HEPHL1: variants seen among roughly 807,000 people sequenced by gnomAD.
HEPHL1 encodes the protein hephaestin like 1.
A neutral mutation model predicts 122.0 loss-of-function variants in HEPHL1; 123 were observed. The ratio of observed to expected loss-of-function variants is 1.01; its 90% confidence interval spans 0.87 to 1.17. The LOEUF (loss-of-function observed/expected upper bound fraction) is 1.17. Among genes scored for constraint, HEPHL1 ranks in the 50% most tolerant of loss-of-function variants. The probability of loss-of-function intolerance (pLI) is 0.00; values close to 1 mark genes in which losing one functional copy is unlikely to be tolerated. For synonymous variants in HEPHL1, 527 were observed against 508.9 expected (o/e 1.04, Z -0.48); for missense variants, 1,452 against 1,430.5 (o/e 1.01, Z -0.24).
chr11:94,045,494 C>T (rs1432125180), intron 1 of HEPHL1, among the ~76,000 whole-genome samples, 179 bp from the exon 2 acceptor site: 4 of 152,194 alleles, frequency 2.6e-5, no homozygotes, highest in Admixed American at 2.6e-4. Context: ...CACTTCATTG[C>T]TGAATCTCAT....
At chr11:94,082,387 T>G (rs1197344079) in intron 9 of HEPHL1, 31 bp from the exon 10 acceptor site, 1 of 1,551,124 alleles carries the variant, frequency 6.4e-7, no homozygotes, top group Non-Finnish European at 8.8e-7. Context: ...AAGCTGTACC[T>G]TTTATGTATT....
chr11:94,084,674 C>T (rs1946201010), intron 10 of HEPHL1, among the ~76,000 whole-genome samples: 1 of 152,176 alleles, frequency 6.6e-6, no homozygotes, highest in Non-Finnish European at 1.5e-5. Context: ...AGATTCTCTA[C>T]CAGCCAGCCA....
intron 2 of HEPHL1, among the ~76,000 whole-genome samples, chr11:94,054,591 T>C (rs1009415672): frequency 6.6e-6 from 1 of 152,234 alleles, no homozygotes; most frequent in African/African-American, 2.4e-5. Context: ...AATTGAGGCC[T>C]ACCTTTTCAA....
At chr11:94,078,446 C>CATATATATAGATAT in intron 9 of HEPHL1, among the ~76,000 whole-genome samples, 1 of 111,556 alleles carries the variant, frequency 9.0e-6, no homozygotes, top group Admixed American at 1.1e-4. Context: ...TCAGATGTTC[C>CATATATATAGATAT]ATATATATAT....
At chr11:94,061,021 C>A (rs77920664) in intron 2 of HEPHL1, among the ~76,000 whole-genome samples, 1 of 151,750 alleles carries the variant, frequency 6.6e-6, no homozygotes, top group East Asian at 1.9e-4. Context: ...TGAGAAGAAG[C>A]GGAGATAGGA....
intron 2 of HEPHL1, among the ~76,000 whole-genome samples, chr11:94,051,147 T>C (rs1945887212): frequency 6.6e-6 from 1 of 152,076 alleles, no homozygotes; most frequent in South Asian, 2.1e-4. Flanking sequence ...GGGGGTACAT[T>C]AAAATGGGGT....
chr11:94,104,019 A>G (rs1246382298), intron 15 of HEPHL1, among the ~76,000 whole-genome samples: 1 of 152,228 alleles, frequency 6.6e-6, no homozygotes, highest in African/African-American at 2.4e-5. Context: ...TAATATGTCC[A>G]CACTTGTAAC....
intron 17 of HEPHL1, among the ~76,000 whole-genome samples, chr11:94,107,403 T>C (rs1199094081): frequency 6.6e-6 from 1 of 152,170 alleles, no homozygotes; most frequent in Non-Finnish European, 1.5e-5. Flanking sequence ...ACATATACAC[T>C]TTAAAAATAA....
chr11:94,036,904 C>G (rs774760458), intron 1 of HEPHL1, among the ~76,000 whole-genome samples: 1 of 151,738 alleles, frequency 6.6e-6, no homozygotes, highest in Non-Finnish European at 1.5e-5. Flanking sequence ...GTCTACAGCT[C>G]CCAGCGTGAG....
intron 13 of HEPHL1, among the ~76,000 whole-genome samples, chr11:94,099,550 G>A (rs1000976918): frequency 1.3e-5 from 2 of 152,172 alleles, no homozygotes; most frequent in Admixed American, 1.3e-4. Context: ...TGTCAGACAG[G>A]GACATTTACG....
At chr11:94,043,949 A>G (rs548023572) in intron 1 of HEPHL1, among the ~76,000 whole-genome samples, 2 of 151,952 alleles carry the variant, frequency 1.3e-5, no homozygotes, top group Admixed American at 6.6e-5. Flanking sequence ...GATAACTGAG[A>G]GAGAATAAAT....
intron 4 of HEPHL1, among the ~76,000 whole-genome samples, chr11:94,067,109 G>T (rs1266709434): frequency 6.6e-6 from 1 of 152,136 alleles, no homozygotes; most frequent in Non-Finnish European, 1.5e-5. Flanking sequence ...AGGGTTTCTA[G>T]TTCCAAGGAG....
chr11:94,078,023 A>G (rs772826321), intron 9 of HEPHL1, among the ~76,000 whole-genome samples: 9 of 152,218 alleles, frequency 5.9e-5, no homozygotes, highest in Non-Finnish European at 1.0e-4. Flanking sequence ...TTATGTGTAT[A>G]GTATGTTTCC....
chr11:94,103,557 C>T (rs1301620659), intron 15 of HEPHL1, among the ~76,000 whole-genome samples: 2 of 152,036 alleles, frequency 1.3e-5, no homozygotes, highest in Non-Finnish European at 2.9e-5. Context: ...ACTGAAACTA[C>T]AAAATTGTTT....
At chr11:94,027,949 A>G (rs1242602000) in intron 1 of HEPHL1, among the ~76,000 whole-genome samples, 2 of 152,176 alleles carry the variant, frequency 1.3e-5, no homozygotes, top group African/African-American at 4.8e-5. Context: ...CCTTTTTCCA[A>G]GTGACATTTG....
chr11:94,083,056 G>A (rs1946185183), intron 10 of HEPHL1, among the ~76,000 whole-genome samples: 1 of 149,826 alleles, frequency 6.7e-6, no homozygotes, highest in Non-Finnish European at 1.5e-5. Context: ...CCACTGCACA[G>A]CCTGGGCGAC....
At chr11:94,050,195 T>C (rs1471431954) in intron 2 of HEPHL1, among the ~76,000 whole-genome samples, 1 of 152,202 alleles carries the variant, frequency 6.6e-6, no homozygotes, top group African/African-American at 2.4e-5. Context: ...GAAGTTATAT[T>C]CTACTTCCTT....
chr11:94,068,393 C>T (rs894627545), intron 5 of HEPHL1, among the ~76,000 whole-genome samples: 2 of 152,172 alleles, frequency 1.3e-5, no homozygotes, highest in Admixed American at 6.5e-5. Flanking sequence ...AATGTTCTTC[C>T]TCAAATTGAG....
intron 4 of HEPHL1, among the ~76,000 whole-genome samples, chr11:94,064,956 G>C (rs1425326977): frequency 5.3e-5 from 8 of 152,152 alleles, no homozygotes; most frequent in Non-Finnish European, 1.2e-4. Context: ...ACTGAGTTAT[G>C]CATGGGGTTT....
Sources: allele counts gnomAD v4.1 joint callset (sites outside exome capture counted in the v4.1 genomes callset), GRCh38; gene constraint gnomAD v4.1.1; transcripts MANE v1.5; gene names NCBI Gene and HGNC (gene_info 2026-07-23, HGNC 2026-07-21).